The following CTNNAL1 variants were observed in gnomAD, a reference collection of about 807,000 sequenced individuals.
The protein encoded by CTNNAL1 is alpha-catulin.
CTNNAL1 carries 69 observed loss-of-function variants against 93.6 expected under a neutral mutation model. The observed-to-expected ratio is 0.74, with a 90% CI of 0.61 to 0.90. The LOEUF is 0.90. Ranked by LOEUF, CTNNAL1 falls within the 40% of genes least tolerant of loss-of-function variation. The pLI, the probability that CTNNAL1 is intolerant of heterozygous loss-of-function variation, is 0.00. For missense variants in CTNNAL1, 836 were observed against 862.0 expected (o/e 0.97, Z 0.38); for synonymous variants, 286 against 305.4 (o/e 0.94, Z 0.66).
At chr9:108,983,951 A>G (rs188762671) in intron 5 of CTNNAL1, among the ~76,000 whole-genome samples, 1 of 152,342 alleles carries the variant, frequency 6.6e-6, no homozygotes, top group Non-Finnish European at 1.5e-5. Context: ...TAAAGGGTGA[A>G]TTTACAGAAT....
chr9:108,986,074 T>C (rs565823457), intron 4 of CTNNAL1, among the ~76,000 whole-genome samples: 12 of 151,986 alleles, frequency 7.9e-5, no homozygotes, highest in African/African-American at 2.7e-4. Flanking sequence ...ATGTGCACAA[T>C]GTGCATGTTA....
At chr9:109,013,264 G>A in intron 1 of CTNNAL1, 38 bp downstream of exon 1, 2 of 1,441,774 alleles carry the variant, frequency 1.4e-6, no homozygotes, top group Admixed American at 3.1e-5. Context: ...GGGCCGCGGC[G>A]GGAAGGAGAA....
rs1832128794 is a variant in CTNNAL1 at position 108,999,074 on chromosome 9, T to G, written c.324A>C (p.Lys108Asn). The G allele has an allele frequency of 6.2e-6, 10 of 1,605,400 alleles. No individual in the cohort carries two copies. Among genetic ancestry groups the G allele is most frequent in the Non-Finnish European group, 8.5e-6 (10 of 1,176,356 alleles). Reference sequence around the variant, plus strand: ...AAATCAATATCCACCTACCTGCTTGTTTAGCTTCAATACAAGCAATATTTA... The same window carrying G: ...AAATCAATATCCACCTACCTGCTTGGTTAGCTTCAATACAAGCAATATTTA... ...EEINIACIEAKQAGETIAALT... is the reference protein window; with the variant it reads ...EEINIACIEANQAGETIAALT... Residue 108 changes from lysine (K) to asparagine (N), a missense_variant, in exon 2 of 19, where the codon AAA becomes AAC. Transcript: ENST00000325551.
Position 108,942,844 on chromosome 9 carries a change from G to T in CTNNAL1, c.2140-10C>A. ...TATTTTCCATCTGAAGCTGGAAAGA[G>T]TTAAGACAATTAGTATCTGGTTTCA... On this transcript the variant is annotated splice_polypyrimidine_tract_variant and intron_variant, in intron 18 of 18. Coordinates refer to ENST00000325551, the MANE Select transcript of CTNNAL1 (RefSeq NM_003798.4). 6.2e-7 allele frequency: 1 copy of T among 1,613,362 alleles called. No homozygotes were observed. Among genetic ancestry groups the T allele is most frequent in the Non-Finnish European group, 8.5e-7 (1 of 1,179,634 alleles).
rs1265817929 is a variant in CTNNAL1, at chr9:108,950,626, A to T, written c.1835+1583T>A. ...TCTATAGGAAGGAATCTTCACGAGC[A>T]CAGGATCCCTCACTTCTGTCTGCTG... On this transcript the variant is annotated intron_variant, in intron 14 of 18. Coordinates refer to ENST00000325551, the MANE Select transcript of CTNNAL1 (RefSeq NM_003798.4). 32 of 1,548,054 alleles carry T rather than the reference A, an allele frequency of 2.1e-5. 1 individual carries two copies. Among genetic ancestry groups the T allele is most frequent in the Non-Finnish European group, 2.4e-5 (27 of 1,145,964 alleles).
intron 9 of CTNNAL1, among the ~76,000 whole-genome samples, chr9:108,971,092 T>C (rs1831103413): frequency 6.6e-6 from 1 of 152,228 alleles, no homozygotes; most frequent in Admixed American, 6.5e-5. Flanking sequence ...TCCCTATAGT[T>C]ATAATATTTG....
chr9:108,999,241 T>G lies in CTNNAL1; in HGVS notation c.157A>C (p.Asn53His). Reference sequence around the variant, plus strand: ...GACTTTTTGGTATTATCTTTATGATTAATAAGCGTGGTGATCTAAAAATAA... The same window carrying G: ...GACTTTTTGGTATTATCTTTATGATGAATAAGCGTGGTGATCTAAAAATAA... ...PLVSQITTLI[N>H]HKDNTKKSDK... The change falls in exon 2 of 19, where the codon AAT becomes CAT. Residue 53 changes from asparagine to histidine, a missense_variant. Asn to His is a moderately conservative substitution (Grantham distance 68, BLOSUM62 1). Transcript: ENST00000325551. 6.3e-7 allele frequency: 1 copy of G among 1,597,454 alleles called. No individual in the cohort carries two copies. The highest frequency in any genetic ancestry group is 1.8e-5 in the Admixed American group (1 of 55,946).
intron 14 of CTNNAL1, chr9:108,950,447 A>C: frequency 6.6e-7 from 1 of 1,522,566 alleles, no homozygotes; most frequent in Non-Finnish European, 8.8e-7. Flanking sequence ...GGTACTGACA[A>C]ATGACAGCTA....
Position 108,959,203 on chromosome 9 carries a change from CA to C in CTNNAL1, c.1592-3377del, listed in dbSNP as rs1268509730. Among the ~76,000 whole-genome samples the C allele has an allele frequency of 2.8e-3, 382 of 137,658 alleles. 2 individuals are homozygous for C. Among genetic ancestry groups the C allele is most frequent in the African/African-American group, 7.5e-3 (282 of 37,420 alleles). 90.3% of individuals were successfully genotyped at this position (137,658 alleles called of 152,430 possible). On this transcript the variant is annotated intron_variant, in intron 11 of 18. Coordinates refer to ENST00000325551, the MANE Select transcript of CTNNAL1 (RefSeq NM_003798.4). ...TGAAACCCTGTCTCTACTAAAAATA[CA>C]AAAAAAAAAAATTAGCCGGGTGTGG...
At chr9:109,000,196 T>G (rs1279147171) in intron 1 of CTNNAL1, among the ~76,000 whole-genome samples, 1 of 152,242 alleles carries the variant, frequency 6.6e-6, no homozygotes, top group East Asian at 1.9e-4. Context: ...TAGGGAAATT[T>G]AATATCTAAA....
chr9:108,992,285 G>T (rs186397080), intron 3 of CTNNAL1, among the ~76,000 whole-genome samples: 17 of 152,132 alleles, frequency 1.1e-4, no homozygotes, highest in African/African-American at 4.1e-4. Flanking sequence ...TTTAAGAATT[G>T]CACATATAGA....
At chr9:109,002,279 A>G (rs1452147270) in intron 1 of CTNNAL1, among the ~76,000 whole-genome samples, 2 of 152,152 alleles carry the variant, frequency 1.3e-5, no homozygotes, top group East Asian at 3.9e-4. Flanking sequence ...TTATAAGAAC[A>G]CTGATCCCAT....
chr9:108,998,011 C>A (rs965488152), intron 2 of CTNNAL1, among the ~76,000 whole-genome samples: 1 of 152,240 alleles, frequency 6.6e-6, no homozygotes, highest in Non-Finnish European at 1.5e-5. Flanking sequence ...CCTCATTCCA[C>A]TTAGAACATA....
chr9:108,987,077 G>C (rs1373253890), intron 4 of CTNNAL1, among the ~76,000 whole-genome samples: 1 of 152,104 alleles, frequency 6.6e-6, no homozygotes, highest in East Asian at 1.9e-4. Flanking sequence ...CATTGCTTTT[G>C]GTGTTTTAGA....
intron 2 of CTNNAL1, 95 bp from the exon 3 acceptor site, chr9:108,992,914 A>C (rs2132179253): frequency 7.4e-7 from 1 of 1,347,748 alleles, no homozygotes; most frequent in Non-Finnish European, 9.9e-7. Flanking sequence ...ATGAGGAGAA[A>C]CTCAGCTTTG....
chr9:108,982,007 G>A (rs1831448181), intron 6 of CTNNAL1, among the ~76,000 whole-genome samples: 1 of 152,200 alleles, frequency 6.6e-6, no homozygotes, highest in Non-Finnish European at 1.5e-5. Flanking sequence ...TGTTAGAGAG[G>A]TGGGAACCTT....
At chr9:108,944,086 A>G (rs984701108) in intron 15 of CTNNAL1, 68 bp from the exon 16 acceptor site, 2 of 1,386,040 alleles carry the variant, frequency 1.4e-6, no homozygotes, top group African/African-American at 1.5e-5. Context: ...AAATATACTT[A>G]CTAATAATTT....
intron 7 of CTNNAL1, among the ~76,000 whole-genome samples, 163 bp downstream of exon 7, chr9:108,979,118 G>A (rs1042996822): frequency 6.6e-6 from 1 of 152,280 alleles, no homozygotes; most frequent in East Asian, 1.9e-4. Context: ...TGCTAGATGG[G>A]AAGGATATTT....
intron 11 of CTNNAL1, among the ~76,000 whole-genome samples, chr9:108,961,551 G>A (rs1173172889): frequency 1.3e-5 from 2 of 152,122 alleles, no homozygotes; most frequent in Admixed American, 1.3e-4. Flanking sequence ...AGGAATTTCT[G>A]TTCAGTCCTT....
Sources: gnomAD v4.1 joint callset for allele counts (sites outside exome capture counted in the v4.1 genomes callset) on GRCh38, gnomAD v4.1.1 for gene constraint, MANE v1.5 for transcripts, NCBI Gene and HGNC (gene_info 2026-07-23, HGNC 2026-07-21) for gene names.